GPR158: variants seen among roughly 807,000 people sequenced by gnomAD.
The protein encoded by GPR158 is metabotropic glycine receptor.
Under a neutral mutation model 78.2 loss-of-function variants are expected in GPR158, and 30 were observed. The observed-to-expected ratio is 0.38, with a 90% CI of 0.29 to 0.52. GPR158 has a LOEUF of 0.52. Among genes scored for constraint, GPR158 ranks in the 20% least tolerant of loss-of-function variants. The pLI is 0.83. For missense variants in GPR158, 1,463 were observed against 1,523.5 expected (o/e 0.96, Z 0.66); for synonymous variants, 581 against 591.1 (o/e 0.98, Z 0.25).
chr10:25,573,648 G>A (rs1837045113), intron 7 of GPR158, among the ~76,000 whole-genome samples: 1 of 152,146 alleles, frequency 6.6e-6, no homozygotes, highest in African/African-American at 2.4e-5. Context: ...ATATTTTATT[G>A]TTCCCCTCAG....
chr10:25,579,112 T>C (rs1171448536), intron 7 of GPR158, among the ~76,000 whole-genome samples: 1 of 151,788 alleles, frequency 6.6e-6, no homozygotes, highest in African/African-American at 2.4e-5. Context: ...GTCATACTCA[T>C]TTTGGAAACT....
chr10:25,231,079 T>C (rs935322769), intron 2 of GPR158, among the ~76,000 whole-genome samples: 1 of 152,248 alleles, frequency 6.6e-6, no homozygotes, highest in Non-Finnish European at 1.5e-5. Context: ...ATTCTCACTT[T>C]ATATGTGCTT....
At chr10:25,559,987 C>T (rs1265932460) in intron 6 of GPR158, among the ~76,000 whole-genome samples, 1 of 152,186 alleles carries the variant, frequency 6.6e-6, no homozygotes, top group Non-Finnish European at 1.5e-5. Flanking sequence ...GGAAAACAAA[C>T]AGCACAACCA....
At chr10:25,566,554 G>C (rs1030269397) in intron 6 of GPR158, among the ~76,000 whole-genome samples, 22 of 151,978 alleles carry the variant, frequency 1.4e-4, no homozygotes, top group Non-Finnish European at 8.8e-5. Context: ...AGAGAAAAAA[G>C]GAAGGTGAGA....
chr10:25,238,412 T>A (rs1194268574), intron 2 of GPR158, among the ~76,000 whole-genome samples: 1 of 152,272 alleles, frequency 6.6e-6, no homozygotes, highest in Non-Finnish European at 1.5e-5. Context: ...TATCTGTTAA[T>A]AAAATAACAA....
At chr10:25,200,878 T>C (rs545809439) in intron 1 of GPR158, among the ~76,000 whole-genome samples, 5 of 146,384 alleles carry the variant, frequency 3.4e-5, no homozygotes, top group Non-Finnish European at 5.9e-5. Flanking sequence ...GTTTTTTTTT[T>C]TTTTTTTTTC....
chr10:25,340,972 A>G (rs1855294986), intron 2 of GPR158, among the ~76,000 whole-genome samples: 1 of 152,044 alleles, frequency 6.6e-6, no homozygotes, highest in Non-Finnish European at 1.5e-5. Flanking sequence ...TTTTAAATAG[A>G]CAAAGAAATG....
chr10:25,565,920 G>A (rs1298653871), intron 6 of GPR158, among the ~76,000 whole-genome samples: 1 of 152,156 alleles, frequency 6.6e-6, no homozygotes, highest in Admixed American at 6.5e-5. Flanking sequence ...GGTAGCCAGA[G>A]TTAGATTATA....
At chr10:25,242,896 G>A (rs939822718) in intron 2 of GPR158, among the ~76,000 whole-genome samples, 4 of 152,042 alleles carry the variant, frequency 2.6e-5, no homozygotes, top group Admixed American at 2.0e-4. Flanking sequence ...TTCAGACATG[G>A]GTCTATTACC....
In GPR158 at chr10:25,327,814, A is replaced by G. The variant is rs190468776; in HGVS notation, c.1009-68097A>G. ...AAGAATGAAGAAGATACTGAAATTC[A>G]GAATGATTTGGTTTGAAATATCAAA... On this transcript the variant is annotated intron_variant, in intron 2 of 10. Transcript: ENST00000376351. Among the ~76,000 whole-genome samples, 505 of 149,822 alleles carry G rather than the reference A, an allele frequency of 3.4e-3. 3 individuals carry two copies. The highest frequency in any genetic ancestry group is 0.011 in the African/African-American group (466 of 41,006).
chr10:25,570,839 G>A (rs1768125658), intron 6 of GPR158, among the ~76,000 whole-genome samples: 1 of 152,084 alleles, frequency 6.6e-6, no homozygotes, highest in Admixed American at 6.6e-5. Context: ...ATAATCGCTT[G>A]AACCCAGGAG....
chr10:25,415,253 T>C (rs1283602733), intron 4 of GPR158, among the ~76,000 whole-genome samples: 1 of 152,074 alleles, frequency 6.6e-6, no homozygotes, highest in Non-Finnish European at 1.5e-5. Flanking sequence ...GCAGAAGATA[T>C]TTGTAAATCC....
intron 2 of GPR158, among the ~76,000 whole-genome samples, chr10:25,318,949 T>A (rs1458938623): frequency 2.0e-5 from 3 of 152,158 alleles, no homozygotes; most frequent in Non-Finnish European, 4.4e-5. Context: ...ATGAAACAGT[T>A]CTTCTGGGTC....
chr10:25,597,858 G>A lies in GPR158; in HGVS notation c.2232G>A (p.Arg744=). 6.4e-7 allele frequency: 1 copy of A among 1,551,738 alleles called. No individual in the cohort carries two copies. Among genetic ancestry groups the A allele is most frequent in the Non-Finnish European group, 8.7e-7 (1 of 1,152,868 alleles). The change falls in exon 11 of 11, where the codon CGG becomes CGA. Residue 744 remains arginine, a synonymous_variant. Transcript: ENST00000376351. ...ACAACCCCCACCTCCAGAAAAAGCG[G>A]TGCTCGAAGAAGGGCCTAGGTCGTT... The part of the protein sequence containing the change: ...ITNNPHLQKK[R]CSKKGLGRSI...
chr10:25,322,667 A>G (rs2130480471), intron 2 of GPR158, among the ~76,000 whole-genome samples: 1 of 152,352 alleles, frequency 6.6e-6, no homozygotes, highest in Admixed American at 6.5e-5. Flanking sequence ...TATGAAATGT[A>G]TTCCTTAAAT....
intron 6 of GPR158, among the ~76,000 whole-genome samples, chr10:25,566,809 C>T (rs1180665825): frequency 6.6e-6 from 1 of 151,748 alleles, no homozygotes; most frequent in Non-Finnish European, 1.5e-5. Flanking sequence ...AGTAACTTTA[C>T]TTTACTTCTG....
chr10:25,275,379 A>G (rs1184556740), intron 2 of GPR158, among the ~76,000 whole-genome samples: 6 of 152,312 alleles, frequency 3.9e-5, no homozygotes, highest in Middle Eastern at 6.8e-3. Flanking sequence ...TTTATTAAGT[A>G]GTAATCCTTT....
At chr10:25,309,874 G>C (rs1240655325) in intron 2 of GPR158, among the ~76,000 whole-genome samples, 1 of 152,158 alleles carries the variant, frequency 6.6e-6, no homozygotes, top group African/African-American at 2.4e-5. Context: ...ATGTGGAACT[G>C]TGAGTCTATT....
intron 1 of GPR158, 134 bp from the exon 2 acceptor site, chr10:25,220,918 T>C: frequency 1.7e-6 from 1 of 597,330 alleles, no homozygotes; most frequent in Non-Finnish European, 3.0e-6. Flanking sequence ...TGGTGCACTT[T>C]GGTTGAATAT....
Sources: allele counts gnomAD v4.1 joint callset (sites outside exome capture counted in the v4.1 genomes callset), GRCh38; gene constraint gnomAD v4.1.1; transcripts MANE v1.5; gene names NCBI Gene and HGNC (gene_info 2026-07-23, HGNC 2026-07-21).